Variants in NRXN3 observed in about 807,000 individuals in gnomAD.
NRXN3 encodes the protein neurexin 3.
Under a neutral mutation model 137.6 loss-of-function variants are expected in NRXN3, and 32 were observed. The observed-to-expected ratio is 0.23, with a 90% CI of 0.18 to 0.31. The LOEUF is 0.31. Ranked by LOEUF, NRXN3 falls within the 10% of genes least tolerant of loss-of-function variation. The probability of loss-of-function intolerance (pLI) is 1.00; values close to 1 mark genes in which losing one functional copy is unlikely to be tolerated. For synonymous variants in NRXN3, 798 were observed against 784.5 expected, an observed-to-expected ratio of 1.02 and a Z score of -0.29; for missense variants, 1,574 against 2,062.5, an observed-to-expected ratio of 0.76 and a Z score of 4.59.
At chr14:79,142,313 C>T (rs1220865185) in intron 15 of NRXN3, among the ~76,000 whole-genome samples, 1 of 151,980 alleles carries the variant, frequency 6.6e-6, no homozygotes, top group African/African-American at 2.4e-5. Flanking sequence ...GTATTCCCAG[C>T]TAGTCCGGAG....
intron 10 of NRXN3, among the ~76,000 whole-genome samples, chr14:78,843,350 G>T (rs1037851793): frequency 1.3e-5 from 2 of 151,994 alleles, no homozygotes; most frequent in Non-Finnish European, 2.9e-5. Flanking sequence ...GGTAAGACAC[G>T]TATTCTTTTT....
At chr14:79,505,215 C>CAA (rs111560292) in intron 16 of NRXN3, among the ~76,000 whole-genome samples, 31 of 93,166 alleles carry the variant, frequency 3.3e-4, no homozygotes, top group East Asian at 5.9e-4. Context: ...AACTCCATCT[C>CAA]AAAAAAAAAA....
At chr14:78,850,523 A>AGCTTTACTTTTAAAGTTTAAAGC (rs2099039717) in intron 10 of NRXN3, among the ~76,000 whole-genome samples, 1 of 152,170 alleles carries the variant, frequency 6.6e-6, no homozygotes, top group African/African-American at 2.4e-5. Flanking sequence ...CACTTCAGTC[A>AGCTTTACTTTTAAAGTTTAAAGC]AGCTTTACTT....
chr14:79,625,153 G>A (rs1234284634), intron 16 of NRXN3, among the ~76,000 whole-genome samples: 1 of 152,042 alleles, frequency 6.6e-6, no homozygotes, highest in African/African-American at 2.4e-5. Flanking sequence ...AATTTCTTCT[G>A]GGTCCAATCA....
At chr14:79,517,376 A>G (rs2097002692) in intron 16 of NRXN3, among the ~76,000 whole-genome samples, 1 of 152,140 alleles carries the variant, frequency 6.6e-6, no homozygotes, top group Admixed American at 6.5e-5. Context: ...TCTCCATGAT[A>G]TGGGATGCAA....
chr14:79,547,236 G>T (rs2153743578), intron 16 of NRXN3, among the ~76,000 whole-genome samples: 1 of 152,214 alleles, frequency 6.6e-6, no homozygotes, highest in East Asian at 1.9e-4. Flanking sequence ...ATTGTATCCT[G>T]CAGTGGAAAA....
chr14:78,658,276 T>C (rs2097801298), intron 6 of NRXN3, among the ~76,000 whole-genome samples: 1 of 152,238 alleles, frequency 6.6e-6, no homozygotes, highest in Admixed American at 6.5e-5. Context: ...GCTAGTTGCA[T>C]GGCTTTTAGC....
intron 15 of NRXN3, among the ~76,000 whole-genome samples, chr14:79,150,489 A>T (rs1399705897): frequency 6.6e-6 from 1 of 151,954 alleles, no homozygotes; most frequent in Non-Finnish European, 1.5e-5. Context: ...GCATGTTCCC[A>T]AACAGAGATC....
chr14:79,386,444 A>G (rs1156359524), intron 15 of NRXN3, among the ~76,000 whole-genome samples: 1 of 152,142 alleles, frequency 6.6e-6, no homozygotes, highest in African/African-American at 2.4e-5. Context: ...GCTCAATGAA[A>G]TAAAAGAGGA....
chr14:78,520,559 G>T (rs1298111796), intron 4 of NRXN3, among the ~76,000 whole-genome samples: 2 of 152,164 alleles, frequency 1.3e-5, no homozygotes, highest in African/African-American at 4.8e-5. Flanking sequence ...AGAGTGGAAA[G>T]AATACTGGAT....
At chr14:78,738,656 A>G (rs1414414168) in intron 8 of NRXN3, among the ~76,000 whole-genome samples, 1 of 152,226 alleles carries the variant, frequency 6.6e-6, no homozygotes, top group Non-Finnish European at 1.5e-5. Flanking sequence ...GAAAAGACAC[A>G]GGGCAAAAAG....
intron 15 of NRXN3, among the ~76,000 whole-genome samples, chr14:79,196,683 G>A (rs2065181489): frequency 1.3e-5 from 2 of 151,798 alleles, no homozygotes; most frequent in Admixed American, 1.3e-4. Flanking sequence ...CCTTTTCAGT[G>A]TGTTTTAGTA....
At chr14:78,260,193 T>C (rs1376740692) in intron 2 of NRXN3, among the ~76,000 whole-genome samples, 1 of 152,196 alleles carries the variant, frequency 6.6e-6, no homozygotes, top group Non-Finnish European at 1.5e-5. Flanking sequence ...TAGAGTGGTG[T>C]ATGCATTAAA....
intron 15 of NRXN3, among the ~76,000 whole-genome samples, chr14:79,276,808 A>G (rs2080355419): frequency 6.6e-6 from 1 of 152,218 alleles, no homozygotes; most frequent in Admixed American, 6.5e-5. Flanking sequence ...CTAAAGCCAG[A>G]CAAACGCATC....
At chr14:79,614,157 G>A (rs1156447484) in intron 16 of NRXN3, among the ~76,000 whole-genome samples, 2 of 152,228 alleles carry the variant, frequency 1.3e-5, no homozygotes, top group Non-Finnish European at 2.9e-5. Flanking sequence ...GATAAGAGAT[G>A]CTTCAAGGCA....
At chr14:79,678,318 G>A (rs1264714849) in intron 17 of NRXN3, among the ~76,000 whole-genome samples, 1 of 152,084 alleles carries the variant, frequency 6.6e-6, no homozygotes, top group Non-Finnish European at 1.5e-5. Flanking sequence ...GCTTTCCTTT[G>A]TTTATAGCAA....
At chr14:78,373,698 T>A (rs996327859) in intron 4 of NRXN3, among the ~76,000 whole-genome samples, 6 of 152,056 alleles carry the variant, frequency 3.9e-5, no homozygotes, top group African/African-American at 1.4e-4. Context: ...AGTGGTGTGA[T>A]GGAAATGCAA....
intron 10 of NRXN3, among the ~76,000 whole-genome samples, chr14:78,868,960 C>T (rs987653660): frequency 2.0e-5 from 3 of 152,126 alleles, no homozygotes; most frequent in Non-Finnish European, 4.4e-5. Flanking sequence ...GACTCAGTTA[C>T]GGAGTAACTG....
At position 79,737,798 on chromosome 14, in the gene NRXN3, T is replaced by C. The variant is rs186349712; in HGVS notation, c.4014+39861T>C. On this transcript the variant is annotated intron_variant, in intron 19 of 20. Coordinates refer to ENST00000335750, the MANE Select transcript of NRXN3 (RefSeq NM_001330195.2). ...GTCTCAAACTCCTGAGCTCAAGCAGTCCTCCCTGGTTGGCCTCTCAAAGTG... is the reference window on the plus strand; with the variant it reads ...GTCTCAAACTCCTGAGCTCAAGCAGCCCTCCCTGGTTGGCCTCTCAAAGTG... Among the ~76,000 whole-genome samples, 6 of 152,136 alleles carry C rather than the reference T, an allele frequency of 3.9e-5. No individual in the cohort carries two copies. In the East Asian group the frequency reaches 1.2e-3, roughly 29 times the overall value.
Sources: gnomAD v4.1 joint callset for allele counts (sites outside exome capture counted in the v4.1 genomes callset) on GRCh38, gnomAD v4.1.1 for gene constraint, MANE v1.5 for transcripts, NCBI Gene and HGNC (gene_info 2026-07-23, HGNC 2026-07-21) for gene names.